PCDHGB6: variants seen among roughly 807,000 people sequenced by gnomAD.
PCDHGB6 encodes protocadherin gamma subfamily B, 6, also known as protocadherin gamma-B6.
Under a neutral mutation model 59.1 loss-of-function variants are expected in PCDHGB6, and 51 were observed. The ratio of observed to expected loss-of-function variants is 0.86; its 90% CI spans 0.69 to 1.09. The LOEUF (loss-of-function observed/expected upper bound fraction) is 1.09. Ranked by LOEUF, PCDHGB6 falls within the 50% of genes least tolerant of loss-of-function variation. The pLI is 0.00. For missense variants in PCDHGB6, 1,148 were observed against 1,205.1 expected (o/e 0.95, Z 0.70); for synonymous variants, 466 against 495.1 (o/e 0.94, Z 0.78).
intron 1 of PCDHGB6, chr5:141,433,260 C>A: frequency 1.5e-6 from 2 of 1,352,308 alleles, no homozygotes; most frequent in South Asian, 1.4e-5. Flanking sequence ...GCGGTACGAT[C>A]ATAGCTCACT....
In PCDHGB6 at chr5:141,476,264, G is replaced by A. The variant is rs753184649; in HGVS notation, c.2419-18543G>A. The A allele has an allele frequency of 2.5e-6, 4 of 1,614,082 alleles. No individual in the cohort carries two copies. The highest frequency in any genetic ancestry group is 3.4e-6 in the Non-Finnish European group (4 of 1,180,010). Reference sequence around the variant, plus strand: ...AGAGAAGGGTTTCGCTGTGGGCAACGTGGTCGCGAACCTTGGTTTGGATCT... The same window carrying A: ...AGAGAAGGGTTTCGCTGTGGGCAACATGGTCGCGAACCTTGGTTTGGATCT... On this transcript the variant is annotated intron_variant, in intron 1 of 3. Coordinates refer to ENST00000520790, the MANE Select transcript of PCDHGB6 (RefSeq NM_018926.3). The surrounding 1 kb of genome is among the most constrained non-coding windows in gnomAD (Gnocchi z 7.6).
At chr5:141,415,879 T>C (rs1002596454) in intron 1 of PCDHGB6, 1 of 1,003,176 alleles carries the variant, frequency 1.0e-6, no homozygotes, top group African/African-American at 1.7e-5. Context: ...TTGAGTACAA[T>C]ATTGACAATT....
chr5:141,413,218 A>G, intron 1 of PCDHGB6: 1 of 1,613,610 alleles, frequency 6.2e-7, no homozygotes. Flanking sequence ...AAAGGATTGC[A>G]GCGGGCTGGT....
chr5:141,478,783 T>G (rs1435790850), intron 1 of PCDHGB6: 2 of 1,483,968 alleles, frequency 1.3e-6, no homozygotes, highest in Admixed American at 4.6e-5. Flanking sequence ...TGGACCTAAT[T>G]CACATCCTCA....
In PCDHGB6 at chr5:141,430,673, C is replaced by T. The variant is rs183365013; in HGVS notation, c.2418+20053C>T. 1.5e-4 allele frequency: 198 copies of T among 1,288,318 alleles called. 2 individuals are homozygous for T. In the African/African-American group the frequency reaches 2.8e-3, roughly 18 times the overall value. The allele number at this position is 1,288,318 out of a possible 1,614,324, so 79.8% of individuals were successfully genotyped here. On this transcript the variant is annotated intron_variant, in intron 1 of 3. Coordinates refer to ENST00000520790, the MANE Select transcript of PCDHGB6 (RefSeq NM_018926.3). Reference sequence around the variant, plus strand: ...AAACAACGGAGGAGCTCTGACTTCCCAACTGTCCCATTCTATGGGCGAAGG... The same window carrying T: ...AAACAACGGAGGAGCTCTGACTTCCTAACTGTCCCATTCTATGGGCGAAGG...
At chr5:141,448,984 A>C (rs2098621334) in intron 1 of PCDHGB6, among the ~76,000 whole-genome samples, 1 of 152,086 alleles carries the variant, frequency 6.6e-6, no homozygotes, top group Non-Finnish European at 1.5e-5. Context: ...CTTCCATATT[A>C]ATATATAGAA....
chr5:141,474,208 A>C (rs1243312558), intron 1 of PCDHGB6, among the ~76,000 whole-genome samples: 1 of 152,242 alleles, frequency 6.6e-6, no homozygotes, highest in Non-Finnish European at 1.5e-5. Context: ...TGATTTTCAA[A>C]AACCAGATTG....
chr5:141,430,904 T>C (rs2097322701), intron 1 of PCDHGB6: 5 of 1,606,730 alleles, frequency 3.1e-6, no homozygotes, highest in Middle Eastern at 1.7e-4. Context: ...GGGCGACATC[T>C]CCAGGGACCT....
chr5:141,487,596 A>T lies in PCDHGB6; in HGVS notation c.2419-7211A>T. The stretch of plus-strand genomic sequence containing the variant: ...GTTCGCCCAAGCTGCCCACCCTCTG[A>T]TCTTCTCTATGGGCTAGAGGTGAGA... On this transcript the variant is annotated intron_variant, in intron 1 of 3. Transcript: ENST00000520790. The surrounding 1 kb of genome is among the most constrained non-coding windows in gnomAD (Gnocchi z 5.0). The T allele has an allele frequency of 1.2e-6, 2 of 1,614,108 alleles. No individual in the cohort carries two copies. Among genetic ancestry groups the T allele is most frequent in the Non-Finnish European group, 8.5e-7 (1 of 1,180,024 alleles).
chr5:141,489,962 C>A lies in PCDHGB6; in HGVS notation c.2419-4845C>A. The A allele has an allele frequency of 6.2e-7, 1 of 1,614,184 alleles. No individual in the cohort carries two copies. The highest frequency in any genetic ancestry group is 8.5e-7 in the Non-Finnish European group (1 of 1,180,008). ...CTGGACATCAATGATAATGCTCCAA[C>A]CTTCCAATCCTCAGTTCTACGTGTG... is the stretch of plus-strand genomic sequence containing the variant. On this transcript the variant is annotated intron_variant, in intron 1 of 3. Transcript: ENST00000520790. This position sits in a 1 kb window ranked among gnomAD's most constrained non-coding sequence, Gnocchi z 4.5.
At chr5:141,455,740 G>C (rs2098830344) in intron 1 of PCDHGB6, among the ~76,000 whole-genome samples, 1 of 152,136 alleles carries the variant, frequency 6.6e-6, no homozygotes, top group Non-Finnish European at 1.5e-5. Context: ...GCATATCAAA[G>C]GTTGCTGGCC....
At position 141,431,052 on chromosome 5, in the gene PCDHGB6, G is replaced by T. The variant is rs148326556; in HGVS notation, c.2418+20432G>T. 7.4e-6 allele frequency: 12 copies of T among 1,614,110 alleles called. No homozygotes were observed. The African/African-American group carries it at 1.6e-4, about 22-fold the overall frequency. On this transcript the variant is annotated intron_variant, in intron 1 of 3. Coordinates refer to ENST00000520790, the MANE Select transcript of PCDHGB6 (RefSeq NM_018926.3). The surrounding 1 kb of genome is among the most constrained non-coding windows in gnomAD (Gnocchi z 4.8). ...ATAGACCGGGAGGAGCTCTGTATGG[G>T]GGCCATCAAGTGTCAATTAAATCTA...
intron 1 of PCDHGB6, chr5:141,415,543 G>A (rs1561758242): frequency 6.2e-7 from 1 of 1,614,130 alleles, no homozygotes; most frequent in East Asian, 2.2e-5. Context: ...GGAGAGCTGT[G>A]AGAAAAACGA....
chr5:141,422,734 T>A, intron 1 of PCDHGB6: 2 of 1,608,114 alleles, frequency 1.2e-6, no homozygotes, highest in Non-Finnish European at 1.7e-6. Context: ...GGTGCCTCTG[T>A]CCTCCTATGT....
At chr5:141,461,663 G>C (rs1230719552) in intron 1 of PCDHGB6, among the ~76,000 whole-genome samples, 1 of 151,984 alleles carries the variant, frequency 6.6e-6, no homozygotes, top group Admixed American at 6.6e-5. Flanking sequence ...TTATTTTAAA[G>C]TTTGTTATTT....
At chr5:141,445,134 A>T (rs900226020) in intron 1 of PCDHGB6, among the ~76,000 whole-genome samples, 1 of 152,198 alleles carries the variant, frequency 6.6e-6, no homozygotes, top group East Asian at 1.9e-4. Context: ...TTAAAATTGT[A>T]TCTTCTAATT....
intron 1 of PCDHGB6, among the ~76,000 whole-genome samples, chr5:141,481,148 C>G (rs2099532606): frequency 6.6e-6 from 1 of 152,176 alleles, no homozygotes; most frequent in Non-Finnish European, 1.5e-5. Context: ...AAGTGTTATT[C>G]TGGTATTTGC....
At chr5:141,508,017 G>C (rs2099865601) in intron 3 of PCDHGB6, 1 of 152,310 alleles carries the variant, frequency 6.6e-6, no homozygotes, top group Non-Finnish European at 1.5e-5. Context: ...TCTCAAGGAG[G>C]CTGCGGTTTG....
At chr5:141,410,803 C>A in intron 1 of PCDHGB6, 183 bp downstream of exon 1, 11 of 409,880 alleles carry the variant, frequency 2.7e-5, no homozygotes, top group East Asian at 1.2e-4. Context: ...GTTGCTCTAT[C>A]TTTTTGTAAA....
Sources: gnomAD v4.1 joint callset for allele counts (sites outside exome capture counted in the v4.1 genomes callset) on GRCh38, gnomAD v4.1.1 for gene constraint, Gnocchi (gnomAD v3.1) non-coding constraint, MANE v1.5 for transcripts, NCBI Gene and HGNC (gene_info 2026-07-23, HGNC 2026-07-21) for gene names.